CSMD1: variants seen among roughly 807,000 people sequenced by gnomAD.
The protein encoded by CSMD1 is CUB and Sushi multiple domains 1, also known as CUB and sushi domain-containing protein 1.
Under a neutral mutation model 417.5 loss-of-function variants are expected in CSMD1, and 213 were observed. The ratio of observed to expected loss-of-function variants is 0.51; its 90% CI spans 0.46 to 0.57. CSMD1 has a LOEUF of 0.57. Ranked by LOEUF, CSMD1 falls within the 20% of genes least tolerant of loss-of-function variation. The pLI is 0.00. For synonymous variants in CSMD1, 2,862 were observed against 1,736.8 expected (o/e 1.65, Z -16.11); for missense variants, 6,923 against 4,529.7 (o/e 1.53, Z -15.17).
intron 3 of CSMD1, among the ~76,000 whole-genome samples, chr8:4,398,733 A>C (rs980071766): frequency 6.6e-6 from 1 of 152,176 alleles, no homozygotes; most frequent in African/African-American, 2.4e-5. Context: ...AACAAATGCT[A>C]ACAGATTTAT....
chr8:4,029,358 G>C (rs755856719), intron 4 of CSMD1, among the ~76,000 whole-genome samples: 3 of 152,140 alleles, frequency 2.0e-5, no homozygotes, highest in Admixed American at 6.5e-5. Flanking sequence ...AGGTTTGATG[G>C]ACATACAGTT....
chr8:3,730,003 T>A (rs929717098), intron 6 of CSMD1, among the ~76,000 whole-genome samples: 1 of 143,600 alleles, frequency 7.0e-6, no homozygotes. Flanking sequence ...TTCAAAAAGT[T>A]CAGAGGAGAA....
chr8:4,558,539 C>T (rs1798191260), intron 2 of CSMD1, among the ~76,000 whole-genome samples: 1 of 152,118 alleles, frequency 6.6e-6, no homozygotes, highest in African/African-American at 2.4e-5. Flanking sequence ...ACTCCGAAAG[C>T]AAGTACCTTG....
intron 5 of CSMD1, among the ~76,000 whole-genome samples, chr8:3,940,245 A>G (rs538912109): frequency 1.3e-5 from 2 of 152,212 alleles, no homozygotes; most frequent in Admixed American, 6.5e-5. Flanking sequence ...TTTTGCCTAC[A>G]GAAGAAATCA....
intron 7 of CSMD1, among the ~76,000 whole-genome samples, chr8:3,627,332 T>A (rs1006602271): frequency 1.3e-5 from 2 of 152,162 alleles, no homozygotes; most frequent in Non-Finnish European, 2.9e-5. Context: ...GATGCTATAA[T>A]ACGTGCGTTA....
intron 3 of CSMD1, among the ~76,000 whole-genome samples, chr8:4,289,559 T>A (rs184543345): frequency 7.2e-5 from 11 of 152,236 alleles, no homozygotes; most frequent in African/African-American, 2.4e-4. Context: ...TGTCTCCCAC[T>A]CAGAATTCAT....
Position 4,390,497 on chromosome 8 carries a change from T to TTTTTTTTA in CSMD1, c.415+29455_415+29456insTAAAAAAA, listed in dbSNP as rs58291340. 1.3e-3 allele frequency among the ~76,000 whole-genome samples: 181 copies of TTTTTTTTA among 140,362 alleles called. 1 individual carries two copies. The highest frequency in any genetic ancestry group is 4.5e-3 in the African/African-American group (168 of 37,140). The allele number at this position is 140,362 out of a possible 152,430, so 92.1% of individuals were successfully genotyped here. ...AACTGTTACCCACAGAAGCGTCCAT[T>TTTTTTTTA]TTTATTTATTTATTTATTTATTTAT... On this transcript the variant is annotated intron_variant, in intron 3 of 69. Transcript: ENST00000635120.
At chr8:3,709,596 A>T (rs2129040347) in intron 6 of CSMD1, among the ~76,000 whole-genome samples, 1 of 150,660 alleles carries the variant, frequency 6.6e-6, no homozygotes, top group African/African-American at 2.4e-5. Context: ...AGTCAGATGA[A>T]GGCCCAAATA....
rs181109114 is a variant in CSMD1 at position 4,493,077 on chromosome 8, G to A, written c.303-73012C>T. ...TTTCAGTTCTGAGGTTAATACATTT[G>A]CTTATAAAAGTATACTGAACCATCT... On this transcript the variant is annotated intron_variant, in intron 2 of 69. Coordinates refer to ENST00000635120, the MANE Select transcript of CSMD1 (RefSeq NM_033225.6). Among the ~76,000 whole-genome samples, 5 of 152,210 alleles carry A rather than the reference G, an allele frequency of 3.3e-5. No individual in the cohort carries two copies. In the East Asian group the frequency reaches 9.6e-4, roughly 29 times the overall value.
intron 3 of CSMD1, among the ~76,000 whole-genome samples, chr8:4,187,529 A>T (rs1798754486): frequency 6.6e-6 from 1 of 152,106 alleles, no homozygotes; most frequent in African/African-American, 2.4e-5. Flanking sequence ...CTGTAATCCC[A>T]GCTACTTGGG....
At chr8:3,929,634 G>T (rs1810000119) in intron 5 of CSMD1, among the ~76,000 whole-genome samples, 1 of 148,628 alleles carries the variant, frequency 6.7e-6, no homozygotes, top group Admixed American at 6.7e-5. Flanking sequence ...AGAGTATATT[G>T]TTTCAAAACA....
chr8:3,996,121 T>G (rs978085957), intron 5 of CSMD1, among the ~76,000 whole-genome samples: 1 of 152,178 alleles, frequency 6.6e-6, no homozygotes, highest in Non-Finnish European at 1.5e-5. Context: ...CAAACTAAGT[T>G]TCTTTGGCAA....
chr8:3,471,599 C>G (rs2117200097), intron 11 of CSMD1, among the ~76,000 whole-genome samples: 1 of 144,424 alleles, frequency 6.9e-6, no homozygotes, highest in East Asian at 2.1e-4. Flanking sequence ...TCCCTCCCTC[C>G]TTCTTCCTCT....
rs191314402 is a variant in CSMD1, at chr8:3,391,009, T to C, written c.2594-3327A>G. On this transcript the variant is annotated intron_variant, in intron 17 of 69. Transcript: ENST00000635120. The stretch of plus-strand genomic sequence containing the variant: ...TTTACTGATATTGAAACCTGAGCCT[T>C]TGCCTGCTTTTCTCCTCTCTCTCAT... Among the ~76,000 whole-genome samples the C allele has an allele frequency of 4.2e-3, 642 of 152,286 alleles. 2 individuals are homozygous for C. Among genetic ancestry groups the C allele is most frequent in the Non-Finnish European group, 7.1e-3 (482 of 68,002 alleles).
intron 1 of CSMD1, among the ~76,000 whole-genome samples, chr8:4,721,695 C>T (rs1028773560): frequency 1.3e-5 from 2 of 152,058 alleles, no homozygotes; most frequent in African/African-American, 2.4e-5. Flanking sequence ...CCCAGCAATC[C>T]CCCTGTTGTA....
chr8:4,259,761 G>A (rs954312712), intron 3 of CSMD1, among the ~76,000 whole-genome samples: 16 of 151,950 alleles, frequency 1.1e-4, no homozygotes, highest in South Asian at 4.2e-4. Context: ...TAAACCCTAA[G>A]AAGAAGAGAT....
intron 7 of CSMD1, among the ~76,000 whole-genome samples, chr8:3,655,022 T>A (rs904973542): frequency 6.6e-6 from 1 of 152,234 alleles, no homozygotes; most frequent in Non-Finnish European, 1.5e-5. Context: ...CTCAAATTTT[T>A]AAATTTAATT....
At chr8:4,093,399 G>A (rs952312244) in intron 3 of CSMD1, among the ~76,000 whole-genome samples, 2 of 152,124 alleles carry the variant, frequency 1.3e-5, no homozygotes, top group Non-Finnish European at 2.9e-5. Context: ...AAGCCAAATT[G>A]TTTAAAGCCA....
At chr8:4,810,779 C>G (rs1798852504) in intron 1 of CSMD1, among the ~76,000 whole-genome samples, 1 of 152,070 alleles carries the variant, frequency 6.6e-6, no homozygotes, top group Non-Finnish European at 1.5e-5. Flanking sequence ...AAGAAAGTGC[C>G]TCGCATATCA....
Sources: allele counts gnomAD v4.1 joint callset (sites outside exome capture counted in the v4.1 genomes callset), GRCh38; gene constraint gnomAD v4.1.1; transcripts MANE v1.5; gene names NCBI Gene and HGNC (gene_info 2026-07-23, HGNC 2026-07-21).